The following IRF5 variants were observed in gnomAD, a reference collection of about 807,000 sequenced individuals.
The protein encoded by IRF5 is interferon regulatory factor 5.
A neutral mutation model predicts 55.1 loss-of-function variants in IRF5; 24 were observed. The ratio of observed to expected loss-of-function variants is 0.44; its 90% CI spans 0.32 to 0.61. IRF5 has a LOEUF of 0.61. IRF5 is among the 20% of genes least tolerant of loss of function. IRF5 has a pLI of 0.07. For missense variants in IRF5, 499 were observed against 658.5 expected, an observed-to-expected ratio of 0.76 and a Z score of 2.65; for synonymous variants, 258 against 260.2, an observed-to-expected ratio of 0.99 and a Z score of 0.08.
At chr7:128,939,062 A>C (rs1162015032) in intron 1 of IRF5, among the ~76,000 whole-genome samples, 2 of 103,926 alleles carry the variant, frequency 1.9e-5, no homozygotes. Context: ...GGGAGGGGGG[A>C]GCAGGGGCGG....
chr7:128,937,300 T>C (rs1795807944), upstream of IRF5, among the ~76,000 whole-genome samples: 3 of 152,076 alleles, frequency 2.0e-5, no homozygotes, highest in South Asian at 6.2e-4. Context: ...GTGAGGTTCT[T>C]TATGGAATCG....
In IRF5 at chr7:128,948,402, G is replaced by C. The variant is rs1796445983; in HGVS notation, c.1299+74G>C. The C allele has an allele frequency of 6.8e-7, 1 of 1,476,360 alleles. No homozygotes were observed. The highest frequency in any genetic ancestry group is 2.1e-5 in the Admixed American group (1 of 48,124). The allele number at this position is 1,476,360 out of a possible 1,614,324, so 91.5% of individuals were successfully genotyped here. On this transcript the variant is annotated intron_variant, in intron 8 of 8. Transcript: ENST00000357234. The surrounding 1 kb of genome is among the most constrained non-coding windows in gnomAD (Gnocchi z 4.6). ...TCCTGGGGCTAGGCCCTTGCCCCAG[G>C]CTGGAGGCTCAGGGCTCCCTGAGCA...
chr7:128,940,781 T>TG (rs1416114384), intron 1 of IRF5: 4 of 152,428 alleles, frequency 2.6e-5, no homozygotes, highest in African/African-American at 9.7e-5. Context: ...TTACCTCTCC[T>TG]GGGTTGGTGG....
chr7:128,947,658 C>T lies in IRF5; in HGVS notation c.788-71C>T. 1 of 1,516,208 alleles carries T rather than the reference C, an allele frequency of 6.6e-7. No individual in the cohort carries two copies. Among genetic ancestry groups the T allele is most frequent in the African/African-American group, 1.4e-5 (1 of 73,114 alleles). The allele number at this position is 1,516,208 out of a possible 1,614,324, so 93.9% of individuals were successfully genotyped here. A position where few individuals can be genotyped will look rare whatever the true frequency, so the allele number is the denominator to read the frequency against. On this transcript the variant is annotated intron_variant, in intron 6 of 8. Coordinates refer to ENST00000357234, the MANE Select transcript of IRF5 (RefSeq NM_001098629.3). The surrounding 1 kb of genome is among the most constrained non-coding windows in gnomAD (Gnocchi z 6.5). Reference sequence around the variant, plus strand: ...AGTGGGAGGGCGGATGGGGCTGGGCCTGGCCACTGGGCTGCAGAATGGGGA... The same window carrying T: ...AGTGGGAGGGCGGATGGGGCTGGGCTTGGCCACTGGGCTGCAGAATGGGGA...
In IRF5 at chr7:128,946,791, T is replaced by A; in HGVS notation, c.447+229T>A. ...GACCCACGCAGCAGTTGGGGCTTGG[T>A]AGGTCTGACTCCCTGCAGAAGGCAA... On this transcript the variant is annotated intron_variant, in intron 4 of 8. Coordinates refer to ENST00000357234, the MANE Select transcript of IRF5 (RefSeq NM_001098629.3). This position sits in a 1 kb window ranked among gnomAD's most constrained non-coding sequence, Gnocchi z 4.2. 1.5e-6 allele frequency: 1 copy of A among 648,126 alleles called. No individual in the cohort carries two copies. The highest frequency in any genetic ancestry group is 2.7e-6 in the Non-Finnish European group (1 of 364,988). 40.1% of individuals were successfully genotyped at this position (648,126 alleles called of 1,614,324 possible).
chr7:128,942,370 G>A, intron 2 of IRF5, 94 bp downstream of exon 2: 2 of 1,126,548 alleles, frequency 1.8e-6, no homozygotes, highest in South Asian at 1.6e-5. Flanking sequence ...CCTCGAGGCT[G>A]GCCACCCGCC....
Position 128,942,234 on chromosome 7 carries a change from A to C in IRF5, c.153A>C (p.Thr51=). Reference sequence around the variant, plus strand: ...TCTGCATCCCCTGGAGGCATGCCACAAGGCATGGTCCCAGCCAGGACGGAG... The same window carrying C: ...TCTGCATCCCCTGGAGGCATGCCACCAGGCATGGTCCCAGCCAGGACGGAG... ...KLFCIPWRHA[T]RHGPSQDGDN... is the part of the protein sequence containing the mutation. The change falls in exon 2 of 9, where the codon ACA becomes ACC. Residue 51 remains threonine (T), a synonymous_variant. Coordinates refer to ENST00000357234, the MANE Select transcript of IRF5 (RefSeq NM_001098629.3). The C allele has an allele frequency of 6.2e-7, 1 of 1,613,990 alleles. No homozygotes were observed. Among genetic ancestry groups the C allele is most frequent in the Non-Finnish European group, 8.5e-7 (1 of 1,179,948 alleles).
chr7:128,942,768 A>C (rs1394504549), intron 2 of IRF5, among the ~76,000 whole-genome samples: 1 of 152,162 alleles, frequency 6.6e-6, no homozygotes, highest in Non-Finnish European at 1.5e-5. Context: ...TGCTAAAGGA[A>C]GCCAACGATC....
Position 128,948,950 on chromosome 7 carries a change from G to C in IRF5, c.*132G>C. 1.7e-6 allele frequency: 2 copies of C among 1,145,672 alleles called. No homozygotes were observed. The highest frequency in any genetic ancestry group is 2.4e-6 in the Non-Finnish European group (2 of 825,220). 71.0% of individuals were successfully genotyped at this position (1,145,672 alleles called of 1,614,324 possible). On this transcript the variant is annotated 3_prime_UTR_variant, in exon 9 of 9. Transcript: ENST00000357234. The surrounding 1 kb of genome is among the most constrained non-coding windows in gnomAD (Gnocchi z 4.6). ...CTGGGTTTCCTGGAAGTGGATTTGG[G>C]CCAAGAAGGAGAGGGAGAAAGGCCC...
In IRF5 at chr7:128,946,609, G is replaced by A; in HGVS notation, c.447+47G>A. On this transcript the variant is annotated intron_variant, in intron 4 of 8. Coordinates refer to ENST00000357234, the MANE Select transcript of IRF5 (RefSeq NM_001098629.3). This position sits in a 1 kb window ranked among gnomAD's most constrained non-coding sequence, Gnocchi z 4.2. ...AGGTGGAGCCCTGGACGAGCTCTCT[G>A]CTGTCCCCATCGGCCTTAGGTTTCC... 7.6e-7 allele frequency: 1 copy of A among 1,317,328 alleles called. No individual in the cohort carries two copies. Among genetic ancestry groups the A allele is most frequent in the South Asian group, 1.2e-5 (1 of 80,914 alleles). 81.6% of individuals were successfully genotyped at this position (1,317,328 alleles called of 1,614,324 possible).
upstream of IRF5, among the ~76,000 whole-genome samples, chr7:128,937,071 G>A (rs142189894): frequency 3.2e-4 from 49 of 152,260 alleles, no homozygotes; most frequent in African/African-American, 8.7e-4. Context: ...AGCCAGACCT[G>A]GACCAAACCC....
Position 128,946,780 on chromosome 7 carries a change from T to G in IRF5, c.447+218T>G. On this transcript the variant is annotated intron_variant, in intron 4 of 8. Coordinates refer to ENST00000357234, the MANE Select transcript of IRF5 (RefSeq NM_001098629.3). The surrounding 1 kb of genome is among the most constrained non-coding windows in gnomAD (Gnocchi z 4.2). Reference sequence around the variant, plus strand: ...CCTGTGTGTGTGACCCACGCAGCAGTTGGGGCTTGGTAGGTCTGACTCCCT... The same window carrying G: ...CCTGTGTGTGTGACCCACGCAGCAGGTGGGGCTTGGTAGGTCTGACTCCCT... 1.6e-6 allele frequency: 1 copy of G among 639,984 alleles called. No individual in the cohort carries two copies. Among genetic ancestry groups the G allele is most frequent in the South Asian group, 1.8e-5 (1 of 54,372 alleles). 39.6% of individuals were successfully genotyped at this position (639,984 alleles called of 1,614,324 possible). A position where few individuals can be genotyped will look rare whatever the true frequency, so the allele number is the denominator to read the frequency against.
intron 1 of IRF5, among the ~76,000 whole-genome samples, chr7:128,939,269 G>A (rs949470829): frequency 3.6e-4 from 55 of 152,260 alleles, no homozygotes; most frequent in African/African-American, 1.3e-3. Context: ...AGAGTCAAGG[G>A]AAGCACTGGG....
intron 1 of IRF5, 101 bp from the exon 2 acceptor site, chr7:128,941,970 C>G (rs1474071946): frequency 2.4e-6 from 2 of 835,544 alleles, no homozygotes; most frequent in African/African-American, 3.5e-5. Flanking sequence ...CCTAGATGGA[C>G]TGGAGAGACC....
chr7:128,937,375 A>T (rs1795809997), upstream of IRF5, among the ~76,000 whole-genome samples: 1 of 152,198 alleles, frequency 6.6e-6, no homozygotes, highest in Admixed American at 6.5e-5. Context: ...ACAGGCGACC[A>T]CGCCGCTGCC....
intron 2 of IRF5, among the ~76,000 whole-genome samples, chr7:128,943,310 T>C (rs1172462715): frequency 6.6e-6 from 1 of 151,006 alleles, no homozygotes; most frequent in African/African-American, 2.4e-5. Flanking sequence ...GGATTACAGG[T>C]GTGAGCCACC....
At chr7:128,941,488 A>C (rs547448056) in intron 1 of IRF5, 1 of 152,456 alleles carries the variant, frequency 6.6e-6, no homozygotes, top group African/African-American at 2.4e-5. Flanking sequence ...CTCTGAGGGC[A>C]GGTGTCCTTG....
At chr7:128,938,764 G>A (rs1269093497) in intron 1 of IRF5, among the ~76,000 whole-genome samples, 1 of 152,156 alleles carries the variant, frequency 6.6e-6, no homozygotes, top group Non-Finnish European at 1.5e-5. Context: ...CAACAATGAA[G>A]AGGCTAAACG....
At chr7:128,944,851 T>A (rs539944993) in intron 2 of IRF5, among the ~76,000 whole-genome samples, 1 of 152,246 alleles carries the variant, frequency 6.6e-6, no homozygotes, top group Non-Finnish European at 1.5e-5. Flanking sequence ...CAGCCCCTCA[T>A]TGATGGATGT....
Sources: allele counts gnomAD v4.1 joint callset (sites outside exome capture counted in the v4.1 genomes callset), GRCh38; gene constraint gnomAD v4.1.1; non-coding constraint Gnocchi (gnomAD v3.1); transcripts MANE v1.5; gene names NCBI Gene and HGNC (gene_info 2026-07-23, HGNC 2026-07-21).